The following FHL2 variants were observed in gnomAD, a reference collection of about 807,000 sequenced individuals.
FHL2 encodes four and a half LIM domains protein 2.
In FHL2, 20 loss-of-function variants were observed where a neutral mutation model predicts 32.7. The ratio of observed to expected loss-of-function variants is 0.61; its 90% CI spans 0.43 to 0.89. FHL2 has a LOEUF of 0.89. Ranked by LOEUF, FHL2 falls within the 40% of genes least tolerant of loss-of-function variation. The pLI is 0.00. For missense variants in FHL2, 311 were observed against 358.6 expected (o/e 0.87, Z 1.07); for synonymous variants, 123 against 128.1 (o/e 0.96, Z 0.27).
intron 1 of FHL2, among the ~76,000 whole-genome samples, chr2:105,416,789 T>G (rs1683949158): frequency 6.6e-6 from 1 of 152,246 alleles, no homozygotes; most frequent in Non-Finnish European, 1.5e-5. Context: ...ACTCACAGTT[T>G]CCCAAAATGC....
In FHL2 at chr2:105,407,370, T is replaced by C. The variant is rs574619077; in HGVS notation, c.-24-20830A>G. ...TCGCTCCACTGCACTCCAGCCTGGG[T>C]GACAGAGCGAGACTCTGTCTCAAAA... On this transcript the variant is annotated intron_variant, in intron 1 of 5. Coordinates refer to the FHL2 transcript ENST00000393352. Among the ~76,000 whole-genome samples, 18 of 133,800 alleles carry C rather than the reference T, an allele frequency of 1.3e-4. 1 individual carries two copies. Among genetic ancestry groups the C allele is most frequent in the Admixed American group, 3.4e-4 (4 of 11,786 alleles). The allele number at this position is 133,800 out of a possible 152,430, so 87.8% of individuals were successfully genotyped here.
intron 1 of FHL2, among the ~76,000 whole-genome samples, chr2:105,427,494 C>A (rs1684301927): frequency 6.6e-6 from 1 of 152,104 alleles, no homozygotes; most frequent in Non-Finnish European, 1.5e-5. Context: ...CAATTTAGAA[C>A]AATGTCACAA....
At chr2:105,371,448 A>G (rs1052948613) in intron 4 of FHL2, among the ~76,000 whole-genome samples, 9 of 151,696 alleles carry the variant, frequency 5.9e-5, no homozygotes, top group African/African-American at 2.2e-4. Context: ...CCCATTTGGA[A>G]CTGCAGTATC....
intron 1 of FHL2, among the ~76,000 whole-genome samples, chr2:105,428,549 G>A (rs558414086): frequency 9.2e-5 from 14 of 152,228 alleles, no homozygotes; most frequent in Admixed American, 2.6e-4. Flanking sequence ...TCGGAGGACC[G>A]TCTACTACCC....
At chr2:105,393,883 A>G (rs547997514) in intron 2 of FHL2, among the ~76,000 whole-genome samples, 4 of 152,270 alleles carry the variant, frequency 2.6e-5, no homozygotes, top group Admixed American at 6.5e-5. Context: ...TTGGACTCCA[A>G]TCCCATGTGA....
intron 2 of FHL2, among the ~76,000 whole-genome samples, chr2:105,387,676 C>T (rs1682419353): frequency 6.6e-6 from 1 of 152,100 alleles, no homozygotes; most frequent in South Asian, 2.1e-4. Flanking sequence ...ATTAGTTCAA[C>T]CCTTGTGGAA....
At chr2:105,389,552 T>C (rs1682566142) in intron 2 of FHL2, among the ~76,000 whole-genome samples, 1 of 152,206 alleles carries the variant, frequency 6.6e-6, no homozygotes, top group Non-Finnish European at 1.5e-5. Context: ...AATTGCGGAA[T>C]TGTAAAAGCT....
chr2:105,400,682 T>C (rs1683429802), upstream of FHL2, among the ~76,000 whole-genome samples: 1 of 101,292 alleles, frequency 9.9e-6, no homozygotes, highest in African/African-American at 4.0e-5. Flanking sequence ...TGTCTTATAT[T>C]TTAATTTTTT....
intron 1 of FHL2, chr2:105,438,382 G>A (rs1573418714): frequency 2.0e-6 from 2 of 985,622 alleles, no homozygotes; most frequent in East Asian, 1.1e-4. Flanking sequence ...GGGCACAGGG[G>A]AACCAGTGGC....
chr2:105,420,194 T>C (rs148698027), intron 1 of FHL2, among the ~76,000 whole-genome samples: 1 of 152,236 alleles, frequency 6.6e-6, no homozygotes, highest in Admixed American at 6.5e-5. Flanking sequence ...TGGTCCCTTC[T>C]GAGGGCTGTG....
intron 4 of FHL2, among the ~76,000 whole-genome samples, chr2:105,371,187 C>T (rs1430825964): frequency 6.6e-6 from 1 of 152,028 alleles, no homozygotes; most frequent in Admixed American, 6.6e-5. Flanking sequence ...GGCTCTGGTA[C>T]CCAGTTGTTT....
intron 1 of FHL2, among the ~76,000 whole-genome samples, chr2:105,417,430 A>G (rs1398559737): frequency 6.6e-6 from 1 of 152,090 alleles, no homozygotes; most frequent in Non-Finnish European, 1.5e-5. Context: ...CACGCCTGTA[A>G]TCCCAGCAAT....
At chr2:105,425,896 G>C (rs574108869) in intron 1 of FHL2, among the ~76,000 whole-genome samples, 6 of 152,272 alleles carry the variant, frequency 3.9e-5, no homozygotes, top group African/African-American at 1.2e-4. Context: ...AGGGAATTCA[G>C]AGGCCGGTGC....
At chr2:105,424,883 C>G (rs919813655) in intron 1 of FHL2, among the ~76,000 whole-genome samples, 2 of 152,060 alleles carry the variant, frequency 1.3e-5, no homozygotes, top group African/African-American at 2.4e-5. Context: ...GAGTGGGGGC[C>G]TGGGAGAGGG....
chr2:105,414,533 T>G (rs2104660042), intron 1 of FHL2, among the ~76,000 whole-genome samples: 1 of 152,206 alleles, frequency 6.6e-6, no homozygotes, highest in South Asian at 2.1e-4. Context: ...CTCAAGAGAT[T>G]TAAAGGTTTT....
At chr2:105,409,579 T>C (rs1290521884) in intron 1 of FHL2, among the ~76,000 whole-genome samples, 1 of 152,206 alleles carries the variant, frequency 6.6e-6, no homozygotes, top group Non-Finnish European at 1.5e-5. Flanking sequence ...AATATGCGTA[T>C]GTGCTTAGGA....
chr2:105,378,407 A>C, intron 3 of FHL2: 1 of 345,892 alleles, frequency 2.9e-6, no homozygotes, highest in Non-Finnish European at 5.7e-6. Flanking sequence ...GCATTCTCTC[A>C]GGACAACCTG....
At chr2:105,369,651 A>G (rs545855065) in intron 4 of FHL2, among the ~76,000 whole-genome samples, 5 of 152,372 alleles carry the variant, frequency 3.3e-5, no homozygotes, top group Admixed American at 2.6e-4. Flanking sequence ...AAGTAAAAAT[A>G]GTGGAAGGAC....
intron 1 of FHL2, among the ~76,000 whole-genome samples, chr2:105,437,882 G>A (rs1467400599): frequency 6.6e-6 from 1 of 152,202 alleles, no homozygotes; most frequent in Non-Finnish European, 1.5e-5. Flanking sequence ...GAAGAGTCAT[G>A]TTGCATAAAC....
Sources: gnomAD v4.1 joint callset for allele counts (sites outside exome capture counted in the v4.1 genomes callset) on GRCh38, gnomAD v4.1.1 for gene constraint, MANE v1.5 for transcripts, NCBI Gene and HGNC (gene_info 2026-07-23, HGNC 2026-07-21) for gene names.